Variants in RALGAPA1 observed in about 807,000 individuals in gnomAD.
RALGAPA1 encodes the protein Ral GTPase activating protein catalytic subunit alpha 1, also known as ral GTPase-activating protein subunit alpha-1.
Under a neutral mutation model 269.6 loss-of-function variants are expected in RALGAPA1, and 52 were observed. That is an observed-to-expected ratio of 0.19 (90% confidence interval 0.15 to 0.24). RALGAPA1 has a LOEUF of 0.24. Ranked by LOEUF, RALGAPA1 falls within the 10% of genes least tolerant of loss-of-function variation. The probability of loss-of-function intolerance (pLI) is 1.00; values close to 1 mark genes in which losing one functional copy is unlikely to be tolerated. For synonymous variants in RALGAPA1, 817 were observed against 1,008.3 expected (o/e 0.81, Z 3.60); for missense variants, 1,917 against 3,013.9 (o/e 0.64, Z 8.52).
At chr14:35,732,517 C>T (rs2070593297) in intron 12 of RALGAPA1, among the ~76,000 whole-genome samples, 1 of 152,116 alleles carries the variant, frequency 6.6e-6, no homozygotes, top group South Asian at 2.1e-4. Context: ...GGAGACTCAA[C>T]AAACACAGAA....
chr14:35,718,192 T>C (rs1266772025), intron 16 of RALGAPA1, among the ~76,000 whole-genome samples: 1 of 152,222 alleles, frequency 6.6e-6, no homozygotes, highest in Admixed American at 6.5e-5. Context: ...TTGCTTATTA[T>C]ATTTCTTCCC....
In RALGAPA1 at chr14:35,627,901, T is replaced by C. The variant is rs1181197294; in HGVS notation, c.6046A>G (p.Ile2016Val). The C allele has an allele frequency of 1.9e-6, 3 of 1,560,414 alleles. No individual in the cohort carries two copies. The African/African-American group carries it at 4.1e-5, about 21-fold the overall frequency. ...GLISIAARTVITHLVNHLGHY... is the reference protein window; with the variant it reads ...GLISIAARTVVTHLVNHLGHY... ...CCCAGGTGATTTACCAGATGTGTAA[T>C]AACAGTGCGGGCTGCTATAGAGATT... is the stretch of plus-strand genomic sequence containing the variant. Residue 2016 changes from isoleucine to valine, a missense_variant, in exon 34 of 42, where the codon ATT becomes GTT. This residue lies in a region of RALGAPA1 where 346 missense variants were observed against 566.1 expected (regional missense o/e 0.61). Coordinates refer to ENST00000680220, the MANE Select transcript of RALGAPA1 (RefSeq NM_001346249.2).
chr14:35,626,238 GT>G (rs1277228173), intron 34 of RALGAPA1, among the ~76,000 whole-genome samples: 1 of 152,140 alleles, frequency 6.6e-6, no homozygotes. Flanking sequence ...AAGCGGAAGA[GT>G]TTTAAATCAA....
intron 28 of RALGAPA1, among the ~76,000 whole-genome samples, chr14:35,658,184 A>G (rs1231139524): frequency 4.6e-5 from 7 of 152,230 alleles, no homozygotes; most frequent in Admixed American, 3.9e-4. Flanking sequence ...AATTGGGATT[A>G]GCGTAAAAGA....
chr14:35,790,837 G>C (rs1311999745), intron 1 of RALGAPA1, among the ~76,000 whole-genome samples: 1 of 152,032 alleles, frequency 6.6e-6, no homozygotes, highest in African/African-American at 2.4e-5. Context: ...TTAAACTTTT[G>C]TAACAGAAGT....
chr14:35,732,417 A>G (rs757833609), intron 12 of RALGAPA1, among the ~76,000 whole-genome samples: 22 of 152,174 alleles, frequency 1.4e-4, no homozygotes, highest in Non-Finnish European at 2.6e-4. Context: ...CAATACTAAC[A>G]TTGAATGTAA....
chr14:35,545,119 T>A (rs1361322663), intron 41 of RALGAPA1, among the ~76,000 whole-genome samples: 6 of 152,216 alleles, frequency 3.9e-5, no homozygotes, highest in African/African-American at 1.4e-4. Flanking sequence ...CTGTTGGCAC[T>A]TACTAATATT....
At chr14:35,635,619 T>C in intron 31 of RALGAPA1, 21 bp from the exon 32 acceptor site, 1 of 1,524,920 alleles carries the variant, frequency 6.6e-7, no homozygotes, top group Non-Finnish European at 8.8e-7. Context: ...AATAGAATCA[T>C]TATAATTGTA....
chr14:35,589,181 A>G (rs1196093615), intron 37 of RALGAPA1, among the ~76,000 whole-genome samples: 1 of 152,222 alleles, frequency 6.6e-6, no homozygotes, highest in Non-Finnish European at 1.5e-5. Context: ...TAATTTCATT[A>G]TAAATTTGAT....
chr14:35,649,240 G>T (rs966449937), intron 31 of RALGAPA1, among the ~76,000 whole-genome samples: 13 of 152,134 alleles, frequency 8.5e-5, no homozygotes, highest in African/African-American at 3.1e-4. Context: ...GTTCTACTTT[G>T]TGAGTATCTA....
chr14:35,604,765 G>A (rs1017086822), intron 36 of RALGAPA1, among the ~76,000 whole-genome samples: 1 of 151,948 alleles, frequency 6.6e-6, no homozygotes, highest in Non-Finnish European at 1.5e-5. Context: ...TCAAAATCTT[G>A]GAGCTACAGA....
chr14:35,657,481 C>T (rs1026702648), intron 28 of RALGAPA1, among the ~76,000 whole-genome samples: 2 of 151,646 alleles, frequency 1.3e-5, no homozygotes, highest in Non-Finnish European at 2.9e-5. Flanking sequence ...CGAGCCACCA[C>T]GCCTGGCCTG....
chr14:35,627,836 A>G lies in RALGAPA1; in HGVS notation c.6111T>C (p.Ser2037=). 1.3e-6 allele frequency: 2 copies of G among 1,590,988 alleles called. No homozygotes were observed. The highest frequency in any genetic ancestry group is 8.6e-7 in the Non-Finnish European group (1 of 1,163,664). ...GATTGTCGTGATTTTCACACACCTG[A>G]CTTGTTAGCATAGCAGGACCACCGC... is the stretch of plus-strand genomic sequence containing the variant. ...PMSGGPAMLT[S]QVCENHDNHY... Residue 2037 remains serine (S), a synonymous_variant, in exon 34 of 42, where the codon AGT becomes AGC. Transcript: ENST00000680220.
At chr14:35,696,961 TC>T (rs2066947874) in intron 17 of RALGAPA1, among the ~76,000 whole-genome samples, 1 of 152,214 alleles carries the variant, frequency 6.6e-6, no homozygotes, top group East Asian at 1.9e-4. Flanking sequence ...GGAAGAAACA[TC>T]AGCAATTAAA....
intron 31 of RALGAPA1, among the ~76,000 whole-genome samples, chr14:35,638,757 T>C (rs1211639314): frequency 1.3e-5 from 2 of 151,874 alleles, no homozygotes; most frequent in African/African-American, 4.8e-5. Flanking sequence ...AAATCCTATC[T>C]CTACTAAAAA....
chr14:35,719,194 G>T (rs2140933320), intron 16 of RALGAPA1, among the ~76,000 whole-genome samples: 1 of 152,234 alleles, frequency 6.6e-6, no homozygotes, highest in South Asian at 2.1e-4. Flanking sequence ...TGGGTGTGGT[G>T]GCATATGCCT....
intron 31 of RALGAPA1, among the ~76,000 whole-genome samples, chr14:35,649,578 T>G (rs2062460740): frequency 1.3e-5 from 2 of 152,166 alleles, no homozygotes; most frequent in African/African-American, 4.8e-5. Context: ...CCATACTATT[T>G]TATAGTCCCC....
rs545816307 is a variant in RALGAPA1, at chr14:35,631,144, G to A, written c.5996-3193C>T. ...TATAATAAATGTTCACACTATAAGG[G>A]GATAATCTAGCTGGTATTCCTCATT... is the stretch of plus-strand genomic sequence containing the variant. On this transcript the variant is annotated intron_variant, in intron 33 of 41. Transcript: ENST00000680220. Among the ~76,000 whole-genome samples, 45 of 152,120 alleles carry A rather than the reference G, an allele frequency of 3.0e-4. 1 individual carries two copies. The South Asian group carries it at 9.1e-3, about 31-fold the overall frequency.
At chr14:35,776,869 TA>T (rs1045654234) in intron 1 of RALGAPA1, among the ~76,000 whole-genome samples, 1 of 151,774 alleles carries the variant, frequency 6.6e-6, no homozygotes, top group South Asian at 2.1e-4. Context: ...TAGAGTATAA[TA>T]AAAATTTTTT....
Sources: allele counts gnomAD v4.1 joint callset (sites outside exome capture counted in the v4.1 genomes callset), GRCh38; gene constraint gnomAD v4.1.1; regional missense constraint gnomAD v4.1.1; transcripts MANE v1.5; gene names NCBI Gene and HGNC (gene_info 2026-07-23, HGNC 2026-07-21).